FHIT: variants seen among roughly 807,000 people sequenced by gnomAD.
FHIT encodes bis(5'-adenosyl)-triphosphatase.
A neutral mutation model predicts 17.9 loss-of-function variants in FHIT; 19 were observed. That is an observed-to-expected ratio of 1.06 (90% CI 0.74 to 1.56). The LOEUF (loss-of-function observed/expected upper bound fraction) is 1.56. Ranked by LOEUF, FHIT falls within the 40% of genes most tolerant of loss-of-function variation. The pLI is 0.00. For synonymous variants in FHIT, 81 were observed against 69.7 expected, an observed-to-expected ratio of 1.16 and a Z score of -0.81; for missense variants, 248 against 189.2, an observed-to-expected ratio of 1.31 and a Z score of -1.82.
intron 4 of FHIT, among the ~76,000 whole-genome samples, chr3:60,637,323 A>T (rs1165867346): frequency 6.6e-6 from 1 of 152,180 alleles, no homozygotes; most frequent in East Asian, 1.9e-4. Context: ...AAAATAATTT[A>T]TATTTGCCAG....
chr3:60,232,519 G>A (rs931477180), intron 5 of FHIT, among the ~76,000 whole-genome samples: 1 of 152,120 alleles, frequency 6.6e-6, no homozygotes, highest in African/African-American at 2.4e-5. Flanking sequence ...TTTCAGAGGT[G>A]AAATTAAATG....
Position 60,786,838 on chromosome 3 carries a change from G to A in FHIT, c.-18+35081C>T, listed in dbSNP as rs563522176. ...AATGAATGGGCTGATTTTCCTATTTGATCAAAAGCCACATCCATATATGAC... is the reference window on the plus strand; with the variant it reads ...AATGAATGGGCTGATTTTCCTATTTAATCAAAAGCCACATCCATATATGAC... On this transcript the variant is annotated intron_variant, in intron 4 of 9. Transcript: ENST00000492590. Among the ~76,000 whole-genome samples, 4 of 152,028 alleles carry A rather than the reference G, an allele frequency of 2.6e-5. No homozygotes were observed. In the South Asian group the frequency reaches 8.3e-4, roughly 32 times the overall value.
intron 3 of FHIT, among the ~76,000 whole-genome samples, chr3:60,911,375 A>G (rs1004792520): frequency 7.7e-6 from 1 of 130,674 alleles, no homozygotes; most frequent in African/African-American, 4.5e-5. Flanking sequence ...TTGCATGCAC[A>G]CACACACACA....
chr3:60,553,419 C>CA, intron 4 of FHIT: 2 of 929,140 alleles, frequency 2.2e-6, no homozygotes, highest in Non-Finnish European at 2.6e-6. Context: ...ACCTTTTATG[C>CA]AAAAAGAGGT....
chr3:60,469,780 T>C (rs1559940404), intron 5 of FHIT, among the ~76,000 whole-genome samples: 1 of 152,192 alleles, frequency 6.6e-6, no homozygotes, highest in Non-Finnish European at 1.5e-5. Context: ...TGTTTCTGCC[T>C]ATCCTTGGGA....
intron 2 of FHIT, among the ~76,000 whole-genome samples, chr3:61,070,608 CT>C (rs1418965195): frequency 6.6e-6 from 1 of 152,234 alleles, no homozygotes; most frequent in Non-Finnish European, 1.5e-5. Context: ...TACACATAAG[CT>C]TCCTGCCTTC....
At chr3:61,026,352 C>T (rs1431604129) in intron 3 of FHIT, among the ~76,000 whole-genome samples, 4 of 152,060 alleles carry the variant, frequency 2.6e-5, no homozygotes, top group African/African-American at 7.2e-5. Context: ...CAATTCTCTC[C>T]GAGCCTTGGT....
At chr3:61,087,815 G>A (rs889246682) in intron 2 of FHIT, among the ~76,000 whole-genome samples, 10 of 152,050 alleles carry the variant, frequency 6.6e-5, no homozygotes, top group Non-Finnish European at 1.2e-4. Flanking sequence ...TTCTGTACTA[G>A]GTAAGTTTGG....
chr3:60,269,282 C>A (rs1045693634), intron 5 of FHIT, among the ~76,000 whole-genome samples: 1 of 152,144 alleles, frequency 6.6e-6, no homozygotes, highest in Admixed American at 6.5e-5. Flanking sequence ...CGTCTTTAAC[C>A]TTATTGGGAA....
intron 1 of FHIT, among the ~76,000 whole-genome samples, chr3:61,209,017 G>T (rs1481131033): frequency 6.6e-6 from 1 of 152,004 alleles, no homozygotes; most frequent in East Asian, 1.9e-4. Flanking sequence ...GCCTGGTGGT[G>T]AGAAAATCTC....
chr3:59,906,357 A>C (rs966995468), intron 8 of FHIT, among the ~76,000 whole-genome samples: 1 of 152,236 alleles, frequency 6.6e-6, no homozygotes, highest in Admixed American at 6.5e-5. Context: ...TCCTAAAATT[A>C]AATGCATTTT....
chr3:60,972,313 T>C (rs1289606699), intron 3 of FHIT, among the ~76,000 whole-genome samples: 2 of 152,202 alleles, frequency 1.3e-5, no homozygotes, highest in Non-Finnish European at 2.9e-5. Flanking sequence ...TCTAAAAATG[T>C]CCTTTTTGAA....
intron 2 of FHIT, among the ~76,000 whole-genome samples, chr3:61,050,403 C>G (rs1277480478): frequency 2.0e-5 from 3 of 152,112 alleles, no homozygotes; most frequent in Admixed American, 6.5e-5. Flanking sequence ...ATGTGTGAAT[C>G]TCTTTTAGAT....
intron 8 of FHIT, among the ~76,000 whole-genome samples, chr3:59,794,773 C>T (rs1300465265): frequency 2.0e-5 from 3 of 152,224 alleles, no homozygotes; most frequent in East Asian, 3.8e-4. Flanking sequence ...CAATCTACAG[C>T]TGAAGAAACT....
At chr3:60,100,165 G>C (rs920188237) in intron 5 of FHIT, among the ~76,000 whole-genome samples, 3 of 152,042 alleles carry the variant, frequency 2.0e-5, no homozygotes, top group Non-Finnish European at 2.9e-5. Flanking sequence ...GATCACCTGA[G>C]GTCAGGAGTT....
intron 8 of FHIT, among the ~76,000 whole-genome samples, chr3:59,885,425 T>C (rs1370571274): frequency 6.7e-6 from 1 of 150,026 alleles, no homozygotes; most frequent in African/African-American, 2.5e-5. Flanking sequence ...TTCTAGAAAG[T>C]ACATGCTACC....
At chr3:60,561,668 A>G (rs1252472592) in intron 4 of FHIT, among the ~76,000 whole-genome samples, 2 of 152,154 alleles carry the variant, frequency 1.3e-5, no homozygotes, top group Non-Finnish European at 2.9e-5. Flanking sequence ...ACACCATTCA[A>G]ATAGAAATGG....
intron 8 of FHIT, among the ~76,000 whole-genome samples, chr3:59,887,914 T>C (rs1703694346): frequency 6.6e-6 from 1 of 152,198 alleles, no homozygotes; most frequent in African/African-American, 2.4e-5. Context: ...AGAAAGCTAC[T>C]TCTGAGAAAT....
chr3:60,989,873 A>T (rs1009860411), intron 3 of FHIT, among the ~76,000 whole-genome samples: 1 of 152,226 alleles, frequency 6.6e-6, no homozygotes, highest in Non-Finnish European at 1.5e-5. Context: ...GGAAGCATCA[A>T]TAAAAGCCTG....
Sources: allele counts gnomAD v4.1 joint callset (sites outside exome capture counted in the v4.1 genomes callset), GRCh38; gene constraint gnomAD v4.1.1; transcripts MANE v1.5; gene names NCBI Gene and HGNC (gene_info 2026-07-23, HGNC 2026-07-21).